TSPAN9: variants seen among roughly 807,000 people sequenced by gnomAD.
TSPAN9 encodes tetraspanin 9, also known as tetraspanin-9.
TSPAN9 carries 16 observed loss-of-function variants against 31.0 expected under a neutral mutation model. That is an observed-to-expected ratio of 0.52 (90% CI 0.35 to 0.78). The LOEUF is 0.78. Ranked by LOEUF, TSPAN9 falls within the 30% of genes least tolerant of loss-of-function variation. The pLI is 0.01. For missense variants in TSPAN9, 272 were observed against 312.5 expected, an observed-to-expected ratio of 0.87 and a Z score of 0.98; for synonymous variants, 145 against 121.6, an observed-to-expected ratio of 1.19 and a Z score of -1.27.
intron 3 of TSPAN9, among the ~76,000 whole-genome samples, chr12:3,207,940 G>A (rs1384502204): frequency 6.6e-6 from 1 of 152,200 alleles, no homozygotes; most frequent in African/African-American, 2.4e-5. Flanking sequence ...AGAAGTGAGG[G>A]CTGTGTTTTG....
chr12:3,077,950 T>C (rs6489428), intron 1 of TSPAN9, among the ~76,000 whole-genome samples: 150,825 of 152,294 alleles, frequency 0.99, 74,703 homozygotes, highest in Middle Eastern at 1. Flanking sequence ...CTCTGGCACA[T>C]CCCGAAGTTG....
At chr12:3,260,854 G>A (rs917417393) in intron 3 of TSPAN9, among the ~76,000 whole-genome samples, 2 of 152,160 alleles carry the variant, frequency 1.3e-5, no homozygotes, top group Non-Finnish European at 2.9e-5. Context: ...CCAAAGACAG[G>A]GGGTGTGTTC....
At chr12:3,083,750 A>G (rs1448958262) in intron 2 of TSPAN9, 31 bp downstream of exon 2, 2 of 152,256 alleles carry the variant, frequency 1.3e-5, no homozygotes, top group African/African-American at 4.8e-5. Flanking sequence ...ATTGTGGGGT[A>G]GGGCCTCTGA....
chr12:3,082,604 G>T (rs2098298461), intron 1 of TSPAN9, among the ~76,000 whole-genome samples: 1 of 152,144 alleles, frequency 6.6e-6, no homozygotes. Context: ...TGTGAAGAGG[G>T]GACGTCATGG....
chr12:3,256,657 G>A (rs1318997628), intron 3 of TSPAN9, among the ~76,000 whole-genome samples: 1 of 152,156 alleles, frequency 6.6e-6, no homozygotes, highest in Non-Finnish European at 1.5e-5. Flanking sequence ...GGTCAGATAA[G>A]CTCCCCAGCG....
chr12:3,221,352 A>ATTTTTTTTTTTTTTTTTTT (rs200531623), intron 3 of TSPAN9, among the ~76,000 whole-genome samples: 1 of 131,644 alleles, frequency 7.6e-6, no homozygotes. Flanking sequence ...TATTTAAAAT[A>ATTTTTTTTTTTTTTTTTTT]TTTTTCTCTT....
At chr12:3,140,376 T>G (rs1315123127) in intron 2 of TSPAN9, among the ~76,000 whole-genome samples, 1 of 152,112 alleles carries the variant, frequency 6.6e-6, no homozygotes. Context: ...TGGGTGTTGT[T>G]GAAATCTGGA....
intron 2 of TSPAN9, among the ~76,000 whole-genome samples, chr12:3,089,668 T>TG (rs1430485695): frequency 6.6e-6 from 1 of 151,898 alleles, no homozygotes; most frequent in Admixed American, 6.6e-5. Context: ...CCCAGCACTC[T>TG]GGGGGGCCGA....
chr12:3,202,338 A>G (rs372928326), intron 3 of TSPAN9, among the ~76,000 whole-genome samples: 1 of 152,170 alleles, frequency 6.6e-6, no homozygotes. Context: ...GGCAGGAGAA[A>G]GTCATTCAGA....
chr12:3,124,357 C>G (rs1371893069), intron 2 of TSPAN9, among the ~76,000 whole-genome samples: 1 of 151,916 alleles, frequency 6.6e-6, no homozygotes, highest in Non-Finnish European at 1.5e-5. Context: ...CATTGCAGCA[C>G]TATTTATAGT....
chr12:3,188,398 G>A (rs1051701835), intron 2 of TSPAN9, among the ~76,000 whole-genome samples: 1 of 152,178 alleles, frequency 6.6e-6, no homozygotes, highest in East Asian at 1.9e-4. Context: ...CAGACAGAGC[G>A]GCAGGGGGAA....
intron 2 of TSPAN9, among the ~76,000 whole-genome samples, chr12:3,086,706 G>C (rs1436665288): frequency 6.6e-6 from 1 of 152,220 alleles, no homozygotes; most frequent in Non-Finnish European, 1.5e-5. Flanking sequence ...CCTTGGCCTT[G>C]GCCTTAGTAG....
intron 3 of TSPAN9, among the ~76,000 whole-genome samples, chr12:3,226,738 GTGTGTGTATATA>G (rs1565622390): frequency 9.4e-4 from 10 of 10,594 alleles, no homozygotes; most frequent in Non-Finnish European, 1.2e-3. Flanking sequence ...GTGTGTGTGT[GTGTGTGTATATA>G]TATATATATA....
At chr12:3,281,443 C>T (rs11610125) in intron 7 of TSPAN9, 114 bp downstream of exon 7, 122,253 of 1,396,100 alleles carry the variant, frequency 0.088, 5,949 homozygotes, top group Middle Eastern at 0.12. Context: ...CTGAATGTGG[C>T]GGTGGGGGGC....
rs551818906 is a variant in TSPAN9, at chr12:3,285,627, G to A, written c.*2511G>A. On this transcript the variant is annotated 3_prime_UTR_variant, in exon 9 of 9. Coordinates refer to ENST00000011898, the MANE Select transcript of TSPAN9 (RefSeq NM_006675.5). ...CAGAGGGCCACACCCAGCGATGCCAGTGAAGGTGGCACAGCCTCTCTTCAG... is the reference window on the plus strand; with the variant it reads ...CAGAGGGCCACACCCAGCGATGCCAATGAAGGTGGCACAGCCTCTCTTCAG... 6.6e-6 allele frequency: 1 copy of A among 152,368 alleles called. No individual in the cohort carries two copies. Among genetic ancestry groups the A allele is most frequent in the African/African-American group, 2.4e-5 (1 of 41,570 alleles). 9.4% of individuals were successfully genotyped at this position (152,368 alleles called of 1,614,324 possible). A position where few individuals can be genotyped will look rare whatever the true frequency, so the allele number is the denominator to read the frequency against.
intron 2 of TSPAN9, among the ~76,000 whole-genome samples, chr12:3,094,077 G>A (rs936285007): frequency 6.6e-6 from 1 of 152,082 alleles, no homozygotes; most frequent in Middle Eastern, 3.2e-3. Flanking sequence ...GCCCAGGCTG[G>A]TCTTGAACTC....
chr12:3,230,594 G>A (rs1277752600), intron 3 of TSPAN9, among the ~76,000 whole-genome samples: 3 of 152,186 alleles, frequency 2.0e-5, no homozygotes, highest in Non-Finnish European at 4.4e-5. Context: ...ACACTTCGGA[G>A]TGTGGTCTTC....
chr12:3,246,986 A>T (rs190459263), intron 3 of TSPAN9, among the ~76,000 whole-genome samples: 3 of 152,052 alleles, frequency 2.0e-5, no homozygotes, highest in African/African-American at 4.8e-5. Flanking sequence ...CGCTGGGAGG[A>T]TGGGTGGTCT....
chr12:3,108,747 G>C (rs928025317), intron 2 of TSPAN9, among the ~76,000 whole-genome samples: 6 of 151,980 alleles, frequency 3.9e-5, no homozygotes, highest in Non-Finnish European at 7.4e-5. Context: ...TCCTTTCCTG[G>C]AGATTTCTTC....
Sources: allele counts gnomAD v4.1 joint callset (sites outside exome capture counted in the v4.1 genomes callset), GRCh38; gene constraint gnomAD v4.1.1; transcripts MANE v1.5; gene names NCBI Gene and HGNC (gene_info 2026-07-23, HGNC 2026-07-21).